Variants in ISG20 observed in about 807,000 individuals in gnomAD.
ISG20 encodes the protein interferon-stimulated gene 20 kDa protein.
A neutral mutation model predicts 11.1 loss-of-function variants in ISG20; 8 were observed. That is an observed-to-expected ratio of 0.72 (90% CI 0.42 to 1.30). The LOEUF (loss-of-function observed/expected upper bound fraction) is 1.30, where lower values mean the gene tolerates loss of function less well. ISG20 is among the 50% of genes most tolerant of loss of function. The pLI is 0.01. For missense variants in ISG20, 243 were observed against 250.2 expected (o/e 0.97, Z 0.19); for synonymous variants, 110 against 101.7 (o/e 1.08, Z -0.49).
At chr15:88,653,258 G>C (rs559812549) in intron 3 of ISG20, among the ~76,000 whole-genome samples, 4 of 152,178 alleles carry the variant, frequency 2.6e-5, no homozygotes, top group Admixed American at 1.3e-4. Flanking sequence ...GTGTGACGGA[G>C]GGAAGGGCAG....
chr15:88,639,579 C>T lies in ISG20; in HGVS notation c.213C>T (p.Ala71=), dbSNP rs141814083. Residue 71 remains alanine, a synonymous_variant, in exon 2 of 4, where the codon GCC becomes GCT. Coordinates refer to ENST00000306072, the MANE Select transcript of ISG20 (RefSeq NM_002201.6). This position sits in a 1 kb window ranked among gnomAD's most constrained non-coding sequence, Gnocchi z 4.2. ...PQHMVGATPF[A]VARLEILQLL... is the part of the protein sequence containing the mutation. ...ACATGGTGGGGGCCACACCATTTGC[C>T]GTGGCCAGGCTAGAGGTGAGTGAAG... The T allele has an allele frequency of 5.1e-5, 83 of 1,613,724 alleles. No homozygotes were observed. The highest frequency in any genetic ancestry group is 1.0e-4 in the Admixed American group (6 of 60,004).
intron 2 of ISG20, among the ~76,000 whole-genome samples, chr15:88,641,402 A>T (rs1487488572): frequency 6.6e-6 from 1 of 152,120 alleles, no homozygotes; most frequent in African/African-American, 2.4e-5. Flanking sequence ...CTTAAACAAC[A>T]GGAATGTCCT....
rs754741012 is a variant in ISG20, at chr15:88,639,516, C to T, written c.150C>T (p.Thr50=). The T allele has an allele frequency of 3.7e-6, 6 of 1,614,012 alleles. No individual in the cohort carries two copies. The highest frequency in any genetic ancestry group is 1.3e-5 in the African/African-American group (1 of 74,916). Residue 50 remains threonine (T), a synonymous_variant, in exon 2 of 4, where the codon ACC becomes ACT. Transcript: ENST00000306072. The surrounding 1 kb of genome is among the most constrained non-coding windows in gnomAD (Gnocchi z 4.2). ...TCATCCGGCCTGAGGGAGAGATCAC[C>T]GATTACAGAACCCGGGTCAGCGGGG... The part of the protein sequence containing the change: ...DKFIRPEGEI[T]DYRTRVSGVT...
rs185783084 is a variant in ISG20, at chr15:88,643,608, G to A, written c.228+4014G>A. ...AATCCAAGCTACTCAGGAGGCTGAC[G>A]CAGGAGAATCGCTTAAACCCAGGAG... On this transcript the variant is annotated intron_variant, in intron 2 of 3. Coordinates refer to ENST00000306072, the MANE Select transcript of ISG20 (RefSeq NM_002201.6). This position sits in a 1 kb window ranked among gnomAD's most constrained non-coding sequence, Gnocchi z 4.4. Among the ~76,000 whole-genome samples, 9 of 152,246 alleles carry A rather than the reference G, an allele frequency of 5.9e-5. No individual in the cohort carries two copies. The highest frequency in any genetic ancestry group is 3.9e-4 in the East Asian group (2 of 5,180).
intron 2 of ISG20, among the ~76,000 whole-genome samples, chr15:88,644,430 G>A (rs1396294797): frequency 6.6e-6 from 1 of 151,804 alleles, no homozygotes; most frequent in Non-Finnish European, 1.5e-5. Flanking sequence ...TACTTGGGAG[G>A]CTGAGGCAGG....
At chr15:88,640,311 C>G (rs1417255347) in intron 2 of ISG20, among the ~76,000 whole-genome samples, 1 of 152,166 alleles carries the variant, frequency 6.6e-6, no homozygotes, top group Non-Finnish European at 1.5e-5. Context: ...TCCTCAGCAG[C>G]ACACACCCAA....
In ISG20 at chr15:88,647,392, G is replaced by A. The variant is rs74251187; in HGVS notation, c.229-4718G>A. 8.9e-3 allele frequency: 1,359 copies of A among 152,282 alleles called. 96 individuals are homozygous for A. In the East Asian group the frequency reaches 0.19, roughly 21 times the overall value. 9.4% of individuals were successfully genotyped at this position (152,282 alleles called of 1,614,324 possible). ...GACATTTCTGGTTGTCACAGTGGCC[G>A]GTATCTAGTGGGTAGAGACCAGAGA... On this transcript the variant is annotated intron_variant, in intron 2 of 3. Transcript: ENST00000306072.
chr15:88,651,912 A>T, intron 2 of ISG20, 198 bp from the exon 3 acceptor site: 1 of 1,414,376 alleles, frequency 7.1e-7, no homozygotes, highest in Non-Finnish European at 9.2e-7. Context: ...CTTTTGGCAC[A>T]GAATGAAACT....
At chr15:88,642,369 G>T (rs902363674) in intron 2 of ISG20, among the ~76,000 whole-genome samples, 1 of 152,196 alleles carries the variant, frequency 6.6e-6, no homozygotes, top group African/African-American at 2.4e-5. Flanking sequence ...GGTATTGGGG[G>T]TTAGGATTTT....
intron 3 of ISG20, among the ~76,000 whole-genome samples, chr15:88,653,819 G>C (rs896010360): frequency 1.3e-5 from 2 of 152,120 alleles, no homozygotes; most frequent in Non-Finnish European, 2.9e-5. Context: ...TTGGGCAGTG[G>C]TGTTACTGCC....
rs776751264 is a variant in ISG20, at chr15:88,655,553, C to T, written c.*22C>T. On this transcript the variant is annotated 3_prime_UTR_variant, in exon 4 of 4. Transcript: ENST00000306072. The stretch of plus-strand genomic sequence containing the variant: ...CTGAAGCCCCATCCAGCCCGTTCCG[C>T]AGGGACTAGAGGCTTTCGGCTTTTT... The T allele has an allele frequency of 1.3e-6, 2 of 1,592,134 alleles. No homozygotes were observed. Among genetic ancestry groups the T allele is most frequent in the South Asian group, 1.1e-5 (1 of 90,516 alleles).
intron 2 of ISG20, among the ~76,000 whole-genome samples, chr15:88,641,926 CTTTTTTT>C (rs140178121): frequency 1.2e-3 from 125 of 102,848 alleles, no homozygotes; most frequent in African/African-American, 3.3e-3. Flanking sequence ...TTAGCTTCCT[CTTTTTTT>C]TTTTTTTTTT....
In ISG20 at chr15:88,650,201, T is replaced by C; in HGVS notation, c.229-1909T>C. 1.3e-6 allele frequency: 2 copies of C among 1,523,280 alleles called. No homozygotes were observed. The highest frequency in any genetic ancestry group is 4.9e-5 in the East Asian group (2 of 40,798). 94.4% of individuals were successfully genotyped at this position (1,523,280 alleles called of 1,614,324 possible). A position where few individuals can be genotyped will look rare whatever the true frequency, so the allele number is the denominator to read the frequency against. ...CTGGACTAGCCACGAGCCGCCCCTT[T>C]CCCTAATAGAGCTCACATCTGTTCT... On this transcript the variant is annotated intron_variant, in intron 2 of 3. Transcript: ENST00000306072. This position sits in a 1 kb window ranked among gnomAD's most constrained non-coding sequence, Gnocchi z 4.0.
chr15:88,635,943 C>G (rs1055073969), upstream of ISG20, among the ~76,000 whole-genome samples: 13 of 152,184 alleles, frequency 8.5e-5, no homozygotes, highest in African/African-American at 3.1e-4. Context: ...CTGTGCAGTT[C>G]AAGCCCATGT....
chr15:88,651,824 G>A (rs1324886379), intron 2 of ISG20: 58 of 1,268,868 alleles, frequency 4.6e-5, no homozygotes, highest in South Asian at 3.5e-4. Context: ...GTTGAGGCAC[G>A]CTTGGCACCT....
At chr15:88,648,302 T>C (rs2058213049) in intron 2 of ISG20, 1 of 152,318 alleles carries the variant, frequency 6.6e-6, no homozygotes, top group African/African-American at 2.4e-5. Flanking sequence ...ACTTGTTAGA[T>C]GGGAAGAATC....
At chr15:88,640,728 C>T (rs953421938) in intron 2 of ISG20, among the ~76,000 whole-genome samples, 16 of 151,894 alleles carry the variant, frequency 1.1e-4, no homozygotes, top group Non-Finnish European at 1.6e-4. Context: ...CGGTGGGAGG[C>T]GGAGGCAGAT....
rs1217385004 is a variant in ISG20 at position 88,643,302 on chromosome 15, C to A, written c.228+3708C>A. Among the ~76,000 whole-genome samples, 1 of 152,060 alleles carries A rather than the reference C, an allele frequency of 6.6e-6. No homozygotes were observed. The highest frequency in any genetic ancestry group is 2.4e-5 in the African/African-American group (1 of 41,400). On this transcript the variant is annotated intron_variant, in intron 2 of 3. Coordinates refer to ENST00000306072, the MANE Select transcript of ISG20 (RefSeq NM_002201.6). This position sits in a 1 kb window ranked among gnomAD's most constrained non-coding sequence, Gnocchi z 4.4. ...GTCTCAATAACTTTTATATTGATTA[C>A]CTGTTGAAATGATAGTATTTTGGAT...
chr15:88,639,032 G>T lies in ISG20; in HGVS notation c.-69G>T. On this transcript the variant is annotated 5_prime_UTR_variant, in exon 1 of 4. Transcript: ENST00000306072. This position sits in a 1 kb window ranked among gnomAD's most constrained non-coding sequence, Gnocchi z 4.2. ...AGAGCAGCTGCAGTAGCTGAGCAGT[G>T]GCAGCAGAGAGGCAGACGTGAGCTG... 1 of 425,490 alleles carries T rather than the reference G, an allele frequency of 2.4e-6. No individual in the cohort carries two copies. The highest frequency in any genetic ancestry group is 4.3e-6 in the Non-Finnish European group (1 of 233,930). 26.4% of individuals were successfully genotyped at this position (425,490 alleles called of 1,614,324 possible).
Sources: allele counts gnomAD v4.1 joint callset (sites outside exome capture counted in the v4.1 genomes callset), GRCh38; gene constraint gnomAD v4.1.1; non-coding constraint Gnocchi (gnomAD v3.1); transcripts MANE v1.5; gene names NCBI Gene and HGNC (gene_info 2026-07-23, HGNC 2026-07-21).